The following UBE2E2 variants were observed in gnomAD, a reference collection of about 807,000 sequenced individuals.
The protein encoded by UBE2E2 is ubiquitin conjugating enzyme E2 E2, also known as ubiquitin-conjugating enzyme E2 E2.
A neutral mutation model predicts 24.7 loss-of-function variants in UBE2E2; 6 were observed. The observed-to-expected ratio is 0.24, with a 90% CI of 0.13 to 0.48. The LOEUF is 0.48. UBE2E2 is among the 20% of genes least tolerant of loss of function. The pLI is 0.99. For missense variants in UBE2E2, 169 were observed against 245.0 expected (o/e 0.69, Z 2.07); for synonymous variants, 104 against 83.6 (o/e 1.24, Z -1.33).
chr3:23,439,363 T>C (rs1373626934), intron 3 of UBE2E2, among the ~76,000 whole-genome samples: 1 of 152,210 alleles, frequency 6.6e-6, no homozygotes, highest in African/African-American at 2.4e-5. Flanking sequence ...GTGTGTGTTA[T>C]AGTACCTGCG....
intron 3 of UBE2E2, among the ~76,000 whole-genome samples, chr3:23,321,060 C>T (rs1415394689): frequency 6.6e-6 from 1 of 152,222 alleles, no homozygotes; most frequent in East Asian, 1.9e-4. Flanking sequence ...TTGGCCATTC[C>T]TTGGCTTGTA....
intron 3 of UBE2E2, among the ~76,000 whole-genome samples, chr3:23,317,020 A>G (rs1464653382): frequency 6.6e-6 from 1 of 151,996 alleles, no homozygotes; most frequent in East Asian, 1.9e-4. Flanking sequence ...TCCTCTCCTC[A>G]AGAAGAAGGA....
At chr3:23,444,501 T>C (rs1333113094) in intron 3 of UBE2E2, among the ~76,000 whole-genome samples, 1 of 152,180 alleles carries the variant, frequency 6.6e-6, no homozygotes, top group African/African-American at 2.4e-5. Context: ...GAGATGAAAG[T>C]AGGATGGGTA....
intron 5 of UBE2E2, among the ~76,000 whole-genome samples, chr3:23,565,444 CTTTT>C (rs574461544): frequency 0.012 from 544 of 46,178 alleles, 2 homozygotes; most frequent in Middle Eastern, 0.069. Context: ...ATAGGCATGG[CTTTT>C]TTTTTTTTTT....
intron 2 of UBE2E2, among the ~76,000 whole-genome samples, chr3:23,210,459 T>TA (rs1696288872): frequency 6.6e-6 from 1 of 152,238 alleles, no homozygotes; most frequent in Admixed American, 6.5e-5. Context: ...TCTTGGGTGA[T>TA]ATGTCAAAGA....
At chr3:23,531,788 A>T (rs1409034580) in intron 4 of UBE2E2, among the ~76,000 whole-genome samples, 1 of 152,182 alleles carries the variant, frequency 6.6e-6, no homozygotes, top group African/African-American at 2.4e-5. Context: ...TAGGCCGGGT[A>T]TGTTGGCTTA....
intron 5 of UBE2E2, among the ~76,000 whole-genome samples, chr3:23,578,130 G>A (rs1200962260): frequency 1.3e-5 from 2 of 151,788 alleles, no homozygotes; most frequent in East Asian, 3.9e-4. Context: ...CAAAGGACAT[G>A]AACAGACACT....
chr3:23,324,527 G>A (rs1361879832), intron 3 of UBE2E2, among the ~76,000 whole-genome samples: 1 of 152,002 alleles, frequency 6.6e-6, no homozygotes, highest in Non-Finnish European at 1.5e-5. Context: ...CTGTTTATTA[G>A]CTGCAGTACC....
chr3:23,460,361 A>G (rs1698781154), intron 3 of UBE2E2, among the ~76,000 whole-genome samples: 3 of 152,192 alleles, frequency 2.0e-5, no homozygotes, highest in Admixed American at 2.0e-4. Context: ...TTATCACAGA[A>G]GTGTTATTGC....
chr3:23,334,863 T>A (rs995643348), intron 3 of UBE2E2, among the ~76,000 whole-genome samples: 1 of 152,224 alleles, frequency 6.6e-6, no homozygotes, highest in African/African-American at 2.4e-5. Flanking sequence ...GCTATTGATA[T>A]GTGAATTATC....
intron 3 of UBE2E2, among the ~76,000 whole-genome samples, chr3:23,343,587 T>A (rs139560106): frequency 6.6e-6 from 1 of 152,200 alleles, no homozygotes; most frequent in East Asian, 1.9e-4. Flanking sequence ...AGAAAAAAAG[T>A]TCTGAAGTGA....
chr3:23,416,948 C>T (rs1697652385), intron 3 of UBE2E2, among the ~76,000 whole-genome samples: 1 of 152,138 alleles, frequency 6.6e-6, no homozygotes, highest in Non-Finnish European at 1.5e-5. Flanking sequence ...TTAGCAATTC[C>T]TCTAACCTTT....
chr3:23,225,551 GACTATTTTTT>G (rs1416049173), intron 3 of UBE2E2, among the ~76,000 whole-genome samples: 1 of 152,070 alleles, frequency 6.6e-6, no homozygotes, highest in African/African-American at 2.4e-5. Flanking sequence ...TCGTTGAAAA[GACTATTTTTT>G]ACACTGAATT....
At chr3:23,331,109 T>C (rs1217797018) in intron 3 of UBE2E2, among the ~76,000 whole-genome samples, 1 of 152,222 alleles carries the variant, frequency 6.6e-6, no homozygotes, top group African/African-American at 2.4e-5. Flanking sequence ...AGTTCACATC[T>C]TAAATGTTCT....
At chr3:23,445,368 C>G (rs1009635250) in intron 3 of UBE2E2, among the ~76,000 whole-genome samples, 6 of 152,184 alleles carry the variant, frequency 3.9e-5, no homozygotes, top group Non-Finnish European at 8.8e-5. Context: ...ACCTCCTTAT[C>G]ACATCATCTT....
intron 3 of UBE2E2, among the ~76,000 whole-genome samples, chr3:23,490,847 A>G (rs1239629550): frequency 6.6e-6 from 1 of 152,236 alleles, no homozygotes; most frequent in Non-Finnish European, 1.5e-5. Flanking sequence ...GTGACTTTAA[A>G]ATGATATTTG....
chr3:23,248,793 G>A (rs1454259839), intron 3 of UBE2E2, among the ~76,000 whole-genome samples: 1 of 152,094 alleles, frequency 6.6e-6, no homozygotes. Flanking sequence ...GTGATTTTTA[G>A]TCTTTCCTAA....
At chr3:23,535,275 G>T (rs1487307144) in intron 5 of UBE2E2, among the ~76,000 whole-genome samples, 1 of 152,352 alleles carries the variant, frequency 6.6e-6, no homozygotes, top group South Asian at 2.1e-4. Flanking sequence ...AAATGGTAAT[G>T]TGTTGTTGAT....
intron 3 of UBE2E2, among the ~76,000 whole-genome samples, chr3:23,415,909 G>A (rs566191739): frequency 1.5e-4 from 23 of 151,802 alleles, no homozygotes; most frequent in African/African-American, 3.4e-4. Flanking sequence ...CCCAGCCCCC[G>A]AGAGGCCCCA....
Sources: allele counts gnomAD v4.1 joint callset (sites outside exome capture counted in the v4.1 genomes callset), GRCh38; gene constraint gnomAD v4.1.1; transcripts MANE v1.5; gene names NCBI Gene and HGNC (gene_info 2026-07-23, HGNC 2026-07-21).